ITIH6: variants seen among roughly 807,000 people sequenced by gnomAD.
ITIH6 encodes the protein inter-alpha-trypsin inhibitor heavy chain H6.
Under a neutral mutation model 58.2 loss-of-function variants are expected in ITIH6, and 60 were observed. That is an observed-to-expected ratio of 1.03 (90% CI 0.84 to 1.28). ITIH6 has a LOEUF of 1.28. Ranked by LOEUF, ITIH6 falls within the 50% of genes most tolerant of loss-of-function variation. The pLI, the probability that ITIH6 is intolerant of heterozygous loss-of-function variation, is 0.00. For missense variants in ITIH6, 1,290 were observed against 1,021.1 expected (o/e 1.26, Z -3.59); for synonymous variants, 493 against 417.4 (o/e 1.18, Z -2.21).
In ITIH6 at chrX:54,757,590, A is replaced by C; in HGVS notation, c.2484T>G (p.Val828=). 1 of 1,211,151 alleles carries C rather than the reference A, an allele frequency of 8.3e-7. No individual in the cohort carries two copies. The highest frequency in any genetic ancestry group is 1.1e-6 in the Non-Finnish European group (1 of 895,200). Residue 828 remains valine, a synonymous_variant, in exon 8 of 13, where the codon GTT becomes GTG. Transcript: ENST00000218436. ...PKYPLHTRPR[V]PAPKTRNNMP... ...TGTTGTTTCGGGTCTTGGGAGCAGG[A>C]ACCCTAGGTCTGGTGTGTAGTGGGT...
chrX:54,753,830 G>A (rs1928426957), intron 10 of ITIH6, 66 bp from the exon 11 acceptor site: 1 of 1,096,712 alleles, frequency 9.1e-7, no homozygotes, highest in Non-Finnish European at 1.3e-6. Flanking sequence ...AAAGAGAGAG[G>A]AGGGAAAGGG....
At chrX:54,769,992 G>T (rs1390652413) in intron 6 of ITIH6, among the ~76,000 whole-genome samples, 2 of 110,514 alleles carry the variant, frequency 1.8e-5, no homozygotes, top group Non-Finnish European at 3.8e-5. Context: ...CTGCCGCCTT[G>T]CAGTTTGATC....
rs780767581 is a variant in ITIH6 at position 54,751,076 on chromosome X, G to A, written c.3657C>T (p.Thr1219=). 3 of 1,200,822 alleles carry A rather than the reference G, an allele frequency of 2.5e-6. No individual in the cohort carries two copies. The highest frequency in any genetic ancestry group is 2.3e-5 in the Admixed American group (1 of 44,237). Residue 1219 remains threonine (T), a synonymous_variant, in exon 12 of 13, where the codon ACC becomes ACT. Coordinates refer to ENST00000218436, the MANE Select transcript of ITIH6 (RefSeq NM_198510.3). ...AGAACCCCAGGTGGGGTAGTTGCAG[G>A]GTACTGGGATGCCTGTAGCGGTGTC... The part of the protein sequence containing the change: ...VLRHRYRHPS[T]LQLPHLGFYV...
chrX:54,793,606 C>A (rs1161201930), intron 2 of ITIH6, among the ~76,000 whole-genome samples: 1 of 112,380 alleles, frequency 8.9e-6, no homozygotes, highest in Non-Finnish European at 1.9e-5. Flanking sequence ...CTGCTGTACC[C>A]CTGGTGTCTG....
chrX:54,796,991 T>C lies in ITIH6; in HGVS notation c.208A>G (p.Ile70Val). 1 of 1,211,398 alleles carries C rather than the reference T, an allele frequency of 8.3e-7. No homozygotes were observed. The highest frequency in any genetic ancestry group is 3.0e-5 in the East Asian group (1 of 33,847). ...FNPHAEAHEA[I>V]FDLDLPHLAF... The stretch of plus-strand genomic sequence containing the variant: ...AGATGAGGCAGATCCAGGTCAAAGA[T>C]GGCTTCATGGGCTTCAGCATGTGGA... Residue 70 changes from isoleucine (I) to valine (V), a missense_variant, in exon 2 of 13, where the codon ATC becomes GTC. Ile to Val is a conservative substitution (Grantham distance 29, BLOSUM62 3). Coordinates refer to ENST00000218436, the MANE Select transcript of ITIH6 (RefSeq NM_198510.3).
chrX:54,779,150 A>G (rs1159613730), intron 5 of ITIH6, among the ~76,000 whole-genome samples: 1 of 112,500 alleles, frequency 8.9e-6, no homozygotes, highest in Non-Finnish European at 1.9e-5. Flanking sequence ...TACTTGAATC[A>G]GACAGTAAAG....
intron 5 of ITIH6, among the ~76,000 whole-genome samples, chrX:54,781,955 A>G (rs1337254443): frequency 2.7e-5 from 3 of 111,896 alleles, no homozygotes; most frequent in Non-Finnish European, 5.6e-5. Context: ...GCTGGAGGCC[A>G]TTATCCTTAG....
chrX:54,770,963 T>A (rs1928936529), intron 6 of ITIH6, among the ~76,000 whole-genome samples: 1 of 111,821 alleles, frequency 8.9e-6, no homozygotes, highest in Non-Finnish European at 1.9e-5. Context: ...AAGAATAATT[T>A]TGATGTATAC....
At chrX:54,789,025 G>T (rs1479063408) in intron 4 of ITIH6, among the ~76,000 whole-genome samples, 1 of 112,710 alleles carries the variant, frequency 8.9e-6, no homozygotes, top group Non-Finnish European at 1.9e-5. Flanking sequence ...TCCCAGAGAG[G>T]CAGTGCAGTC....
At chrX:54,777,402 C>A (rs1019322965) in intron 5 of ITIH6, among the ~76,000 whole-genome samples, 1 of 112,692 alleles carries the variant, frequency 8.9e-6, no homozygotes, top group African/African-American at 3.2e-5. Context: ...GTGAAGGACA[C>A]AGGCCTGGTT....
chrX:54,780,728 G>GTT lies in ITIH6; in HGVS notation c.787-6533_787-6532dup, dbSNP rs748558612. ...TAAAAAGATCAAGGAAACAAAAAGA[G>GTT]TTTTTTTTTTAAGTTTAACAAAATT... On this transcript the variant is annotated intron_variant, in intron 5 of 12. Transcript: ENST00000218436. Among the ~76,000 whole-genome samples the GTT allele has an allele frequency of 1.4e-3, 144 of 106,403 alleles. 2 individuals carry two copies. The highest frequency in any genetic ancestry group is 4.4e-3 in the African/African-American group (129 of 29,403). 92.4% of individuals were successfully genotyped at this position (106,403 alleles called of 115,157 possible). A position where few individuals can be genotyped will look rare whatever the true frequency, so the allele number is the denominator to read the frequency against.
chrX:54,773,181 G>A (rs1928987276), intron 6 of ITIH6, among the ~76,000 whole-genome samples: 1 of 111,904 alleles, frequency 8.9e-6, no homozygotes, highest in Non-Finnish European at 1.9e-5. Context: ...TGTGGAGTGA[G>A]AGGAAGCATT....
chrX:54,788,641 C>A lies in ITIH6; in HGVS notation c.625G>T (p.Asp209Tyr), dbSNP rs760082806. 3 of 1,208,046 alleles carry A rather than the reference C, an allele frequency of 2.5e-6. No individual in the cohort carries two copies. In the Admixed American group the frequency reaches 6.5e-5, roughly 26 times the overall value. The change falls in exon 5 of 13, where the codon GAT becomes TAT. Residue 209 changes from aspartate (D) to tyrosine (Y), a missense_variant. By Grantham distance (160) the Asp-to-Tyr change is radical (BLOSUM62 -3). Transcript: ENST00000218436. ...TCGATCCTGGTGGATGGGGGTGAAT[C>A]CACCTCACCTGTATGGGTGGGGAGG... ...LRTNAHASEVDSPPSTRIERG... is the reference protein window; with the variant it reads ...LRTNAHASEVYSPPSTRIERG...
intron 4 of ITIH6, among the ~76,000 whole-genome samples, chrX:54,790,507 C>A (rs757056471): frequency 8.9e-6 from 1 of 112,046 alleles, no homozygotes; most frequent in East Asian, 2.8e-4. Flanking sequence ...GCCAGTGTGG[C>A]TTCTACAGCC....
rs1602048352 is a variant in ITIH6, at chrX:54,751,025, G to C, written c.3708C>G (p.Ser1236Arg). 1 of 1,173,072 alleles carries C rather than the reference G, an allele frequency of 8.5e-7. No homozygotes were observed. The highest frequency in any genetic ancestry group is 1.1e-6 in the Non-Finnish European group (1 of 875,208). Residue 1236 changes from serine to arginine, a missense_variant, in exon 12 of 13, where the codon AGC (serine) becomes AGG (arginine). By Grantham distance (110) the Ser-to-Arg change is moderately radical. Coordinates refer to ENST00000218436, the MANE Select transcript of ITIH6 (RefSeq NM_198510.3). ...GFYVANGSGL[S>R]PSARGLIGQF... ...TACCTATCAGGCCACGGGCTGAGGG[G>C]CTGAGGCCTGAGCCATTGGCCACGT...
chrX:54,776,317 A>G lies in ITIH6; in HGVS notation c.787-2120T>C, dbSNP rs147341478. On this transcript the variant is annotated intron_variant, in intron 5 of 12. Transcript: ENST00000218436. The stretch of plus-strand genomic sequence containing the variant: ...TTGAGTTCCTGCAAGCCTCACCGCC[A>G]TGGACTAAAGTGCTCTAGGGCTCTA... 2.1e-3 allele frequency among the ~76,000 whole-genome samples: 237 copies of G among 111,526 alleles called. 3 individuals are homozygous for G. In the East Asian group the frequency reaches 0.06, roughly 28 times the overall value.
At chrX:54,780,847 A>T (rs757738250) in intron 5 of ITIH6, among the ~76,000 whole-genome samples, 1 of 111,688 alleles carries the variant, frequency 9.0e-6, no homozygotes, top group South Asian at 3.8e-4. Flanking sequence ...TACTGCAGAA[A>T]TTCAAAGGAT....
intron 5 of ITIH6, among the ~76,000 whole-genome samples, chrX:54,776,081 A>G (rs1929045056): frequency 9.0e-6 from 1 of 111,073 alleles, no homozygotes; most frequent in Non-Finnish European, 1.9e-5. Flanking sequence ...CTCTGCCCCC[A>G]GCAGCTGAGG....
chrX:54,797,960 T>TG (rs1929473158), intron 1 of ITIH6, 149 bp downstream of exon 1: 1 of 442,165 alleles, frequency 2.3e-6, no homozygotes, highest in African/African-American at 2.6e-5. Flanking sequence ...GCACCTGACA[T>TG]GTGCTCAGCA....
Sources: gnomAD v4.1 joint callset for allele counts (sites outside exome capture counted in the v4.1 genomes callset) on GRCh38, gnomAD v4.1.1 for gene constraint, MANE v1.5 for transcripts, NCBI Gene and HGNC (gene_info 2026-07-23, HGNC 2026-07-21) for gene names.